SPATA6: variants seen among roughly 807,000 people sequenced by gnomAD.
SPATA6 encodes spermatogenesis-associated protein 6.
SPATA6 carries 56 observed loss-of-function variants against 65.3 expected under a neutral mutation model. The ratio of observed to expected loss-of-function variants is 0.86; its 90% CI spans 0.69 to 1.07. The LOEUF is 1.07. SPATA6 is among the 50% of genes least tolerant of loss of function. The pLI is 0.00. For missense variants in SPATA6, 590 were observed against 594.8 expected (o/e 0.99, Z 0.08); for synonymous variants, 199 against 213.2 (o/e 0.93, Z 0.58).
At chr1:48,437,042 C>T (rs2148083967) in intron 3 of SPATA6, 2 of 1,604,762 alleles carry the variant, frequency 1.2e-6, no homozygotes, top group South Asian at 1.1e-5. Flanking sequence ...AAAAGGCCAT[C>T]AGCAAGCAGT....
rs79182121 is a variant in SPATA6 at position 48,426,151 on chromosome 1, A to G, written c.239-13000T>C. The stretch of plus-strand genomic sequence containing the variant: ...TAATAAGAACAGAACAAACAACCCA[A>G]TGGAAAAACGGGCAAAAGACAGGCA... On this transcript the variant is annotated intron_variant, in intron 3 of 12. Coordinates refer to ENST00000371847, the MANE Select transcript of SPATA6 (RefSeq NM_019073.4). 6.6e-3 allele frequency among the ~76,000 whole-genome samples: 1,010 copies of G among 152,300 alleles called. 5 individuals carry two copies. Among genetic ancestry groups the G allele is most frequent in the Middle Eastern group, 0.014 (4 of 294 alleles).
At chr1:48,430,556 G>A (rs1359655965) in intron 3 of SPATA6, among the ~76,000 whole-genome samples, 1 of 152,068 alleles carries the variant, frequency 6.6e-6, no homozygotes, top group Non-Finnish European at 1.5e-5. Flanking sequence ...TCTCAATAAA[G>A]GTAAATATGC....
the SPATA6 span, among the ~76,000 whole-genome samples, chr1:48,284,897 G>C: frequency 2.6e-5 from 4 of 152,156 alleles, no homozygotes; most frequent in African/African-American, 9.7e-5. Flanking sequence ...CCAGTCAGGA[G>C]ACACGGGGCT....
intron 1 of SPATA6, among the ~76,000 whole-genome samples, chr1:48,462,560 A>G (rs759982469): frequency 1.3e-5 from 2 of 152,186 alleles, no homozygotes; most frequent in African/African-American, 2.4e-5. Flanking sequence ...ACAAATGGGT[A>G]GATCATGCAG....
At chr1:48,430,698 A>G (rs1654319514) in intron 3 of SPATA6, among the ~76,000 whole-genome samples, 2 of 152,206 alleles carry the variant, frequency 1.3e-5, no homozygotes, top group Non-Finnish European at 2.9e-5. Flanking sequence ...AAGTATAAAC[A>G]TGTAATTAGT....
intron 3 of SPATA6, among the ~76,000 whole-genome samples, chr1:48,439,383 G>C (rs1655245743): frequency 6.6e-6 from 1 of 152,218 alleles, no homozygotes; most frequent in Non-Finnish European, 1.5e-5. Flanking sequence ...GACCATTGCG[G>C]GTTCTTGGGC....
At chr1:48,363,591 TAA>T (rs1233917559) in intron 9 of SPATA6, among the ~76,000 whole-genome samples, 2 of 152,024 alleles carry the variant, frequency 1.3e-5, no homozygotes, top group South Asian at 2.1e-4. Flanking sequence ...TACTTCAGCA[TAA>T]AAAAGTCTTT....
chr1:48,374,527 G>T (rs1246246829), intron 9 of SPATA6, among the ~76,000 whole-genome samples: 1 of 152,066 alleles, frequency 6.6e-6, no homozygotes. Flanking sequence ...CTCAATTCTT[G>T]CCCAGGAAAA....
At chr1:48,330,908 C>T (rs998733108) in intron 11 of SPATA6, among the ~76,000 whole-genome samples, 3 of 152,158 alleles carry the variant, frequency 2.0e-5, no homozygotes, top group African/African-American at 7.2e-5. Context: ...CCTGAGGGAG[C>T]TCCATGGACC....
intron 8 of SPATA6, among the ~76,000 whole-genome samples, chr1:48,394,653 A>C (rs577321978): frequency 1.3e-5 from 2 of 152,160 alleles, no homozygotes; most frequent in African/African-American, 2.4e-5. Context: ...TGATTCTATT[A>C]ATGATTTTAT....
chr1:48,299,515 G>GCAAAA (rs1644880817), intron 12 of SPATA6, among the ~76,000 whole-genome samples: 1 of 636 alleles, frequency 1.6e-3, no homozygotes, highest in Non-Finnish European at 0.012. Context: ...ACTCCGTCTC[G>GCAAAA]GAAAAAAAAA....
chr1:48,440,719 C>T (rs781215825), intron 3 of SPATA6, among the ~76,000 whole-genome samples: 14 of 152,134 alleles, frequency 9.2e-5, no homozygotes, highest in Admixed American at 3.9e-4. Context: ...AAATATACTG[C>T]CCTGTCACCC....
intron 7 of SPATA6, chr1:48,399,070 G>A (rs1650883550): frequency 3.4e-6 from 1 of 289,976 alleles, no homozygotes. Context: ...AGTTCAATTG[G>A]TAGCGTTATT....
intron 11 of SPATA6, among the ~76,000 whole-genome samples, chr1:48,324,643 C>T (rs184732252): frequency 1.3e-5 from 2 of 152,004 alleles, no homozygotes; most frequent in Non-Finnish European, 2.9e-5. Context: ...AAATTCAACA[C>T]CCCTTCATAA....
At chr1:48,339,011 A>G (rs1159671357) in intron 11 of SPATA6, among the ~76,000 whole-genome samples, 1 of 152,062 alleles carries the variant, frequency 6.6e-6, no homozygotes, top group African/African-American at 2.4e-5. Context: ...GTAATTATGC[A>G]GAGACACAGT....
chr1:48,355,581 G>T, intron 11 of SPATA6, 89 bp downstream of exon 11: 2 of 881,210 alleles, frequency 2.3e-6, no homozygotes, highest in Non-Finnish European at 3.4e-6. Context: ...TTTTCTTCCC[G>T]GTGACTAAAT....
intron 11 of SPATA6, among the ~76,000 whole-genome samples, chr1:48,354,557 T>C (rs1260909903): frequency 1.3e-5 from 2 of 152,114 alleles, no homozygotes; most frequent in East Asian, 3.9e-4. Flanking sequence ...TACATTTTAT[T>C]CATGGCAACA....
At chr1:48,279,435 C>T in the SPATA6 span, among the ~76,000 whole-genome samples, 3 of 152,066 alleles carry the variant, frequency 2.0e-5, no homozygotes, top group Admixed American at 1.3e-4. Flanking sequence ...TTCAGCAAAC[C>T]CATCTCATGT....
intron 12 of SPATA6, among the ~76,000 whole-genome samples, chr1:48,301,829 CA>C (rs957673019): frequency 1.3e-5 from 2 of 151,802 alleles, no homozygotes; most frequent in African/African-American, 2.4e-5. Context: ...TATTCATATG[CA>C]AAAAAATAAA....
Sources: allele counts gnomAD v4.1 joint callset (sites outside exome capture counted in the v4.1 genomes callset), GRCh38; gene constraint gnomAD v4.1.1; transcripts MANE v1.5; gene names NCBI Gene and HGNC (gene_info 2026-07-23, HGNC 2026-07-21).